Variants in CDC14A observed in about 807,000 individuals in gnomAD.
CDC14A encodes cell division cycle 14A, also known as dual specificity protein phosphatase CDC14A.
Under a neutral mutation model 74.4 loss-of-function variants are expected in CDC14A, and 53 were observed. The ratio of observed to expected loss-of-function variants is 0.71; its 90% CI spans 0.57 to 0.89. CDC14A has a LOEUF of 0.89. Ranked by LOEUF, CDC14A falls within the 40% of genes least tolerant of loss-of-function variation. CDC14A has a pLI of 0.00. For synonymous variants in CDC14A, 247 were observed against 258.4 expected (o/e 0.96, Z 0.43); for missense variants, 646 against 713.7 (o/e 0.91, Z 1.08).
rs935936292 is a variant in CDC14A, at chr1:100,393,261, G to A, written c.309+2437G>A. ...TCTTAACTTCTGAAGTTCTTTCTGTGCATGTTCAATCATATGAACTAGATT... is the reference window on the plus strand; with the variant it reads ...TCTTAACTTCTGAAGTTCTTTCTGTACATGTTCAATCATATGAACTAGATT... On this transcript the variant is annotated intron_variant, in intron 4 of 15. Coordinates refer to ENST00000336454, the MANE Select transcript of CDC14A (RefSeq NM_003672.4). The A allele has an allele frequency of 7.0e-6, 10 of 1,421,382 alleles. No individual in the cohort carries two copies. The African/African-American group carries it at 1.4e-4, about 20-fold the overall frequency. The allele number at this position is 1,421,382 out of a possible 1,614,324, so 88.0% of individuals were successfully genotyped here.
intron 11 of CDC14A, among the ~76,000 whole-genome samples, chr1:100,491,524 C>CTT: frequency 3.8e-5 from 1 of 26,412 alleles, no homozygotes; most frequent in African/African-American, 1.2e-4. Context: ...CTGCATCTCT[C>CTT]TCTCTCTCTC....
chr1:100,366,124 G>A (rs1245748079), intron 2 of CDC14A, among the ~76,000 whole-genome samples: 1 of 152,198 alleles, frequency 6.6e-6, no homozygotes, highest in Non-Finnish European at 1.5e-5. Flanking sequence ...GAGTGAGCAA[G>A]TGAATGAAGA....
chr1:100,433,719 C>T (rs1463669122), intron 5 of CDC14A, among the ~76,000 whole-genome samples: 1 of 152,102 alleles, frequency 6.6e-6, no homozygotes, highest in Admixed American at 6.5e-5. Flanking sequence ...TCTTTCATCT[C>T]TGGTTTCATC....
At chr1:100,434,200 A>C (rs1234831351) in intron 5 of CDC14A, among the ~76,000 whole-genome samples, 1 of 152,160 alleles carries the variant, frequency 6.6e-6, no homozygotes, top group African/African-American at 2.4e-5. Context: ...AGTTCAGTTG[A>C]CTAGTATGCC....
intron 12 of CDC14A, 98 bp from the exon 13 acceptor site, chr1:100,495,904 A>G (rs1376636170): frequency 1.0e-6 from 1 of 986,504 alleles, no homozygotes; most frequent in Non-Finnish European, 1.6e-6. Context: ...TTGCTAATTT[A>G]ATATTTTTAC....
intron 4 of CDC14A, among the ~76,000 whole-genome samples, chr1:100,418,236 C>T (rs1661780624): frequency 6.6e-6 from 1 of 152,062 alleles, no homozygotes; most frequent in Non-Finnish European, 1.5e-5. Flanking sequence ...TCATTATCAC[C>T]TATAGTTGAG....
intron 2 of CDC14A, among the ~76,000 whole-genome samples, chr1:100,359,088 G>A (rs746059931): frequency 1.7e-4 from 26 of 152,114 alleles, no homozygotes; most frequent in Non-Finnish European, 1.0e-4. Context: ...ATAGACAGAA[G>A]AGGAGATTTG....
intron 10 of CDC14A, among the ~76,000 whole-genome samples, chr1:100,482,822 ATATC>A (rs1322384842): frequency 9.2e-5 from 14 of 151,976 alleles, no homozygotes; most frequent in Non-Finnish European, 1.5e-5. Context: ...AAAGATATAG[ATATC>A]TATATATATA....
intron 7 of CDC14A, among the ~76,000 whole-genome samples, chr1:100,445,467 C>T (rs2101141215): frequency 6.6e-6 from 1 of 152,202 alleles, no homozygotes; most frequent in Non-Finnish European, 1.5e-5. Flanking sequence ...ATGCAAATGG[C>T]CCATTGTATT....
intron 4 of CDC14A, among the ~76,000 whole-genome samples, chr1:100,405,949 G>T (rs946951472): frequency 6.6e-6 from 1 of 152,092 alleles, no homozygotes; most frequent in African/African-American, 2.4e-5. Context: ...TTGAGGAATC[G>T]CCACACTGTC....
chr1:100,415,887 A>G (rs960534099), intron 4 of CDC14A, among the ~76,000 whole-genome samples: 3 of 152,214 alleles, frequency 2.0e-5, no homozygotes, highest in Admixed American at 6.5e-5. Context: ...TTAAAAAATT[A>G]TAAAGTTGAA....
chr1:100,418,249 T>C (rs1334681432), intron 4 of CDC14A, among the ~76,000 whole-genome samples: 1 of 152,204 alleles, frequency 6.6e-6, no homozygotes, highest in African/African-American at 2.4e-5. Context: ...TAGTTGAGTG[T>C]CATATTCTGG....
At chr1:100,397,973 T>C (rs140775797) in intron 4 of CDC14A, among the ~76,000 whole-genome samples, 1 of 152,356 alleles carries the variant, frequency 6.6e-6, no homozygotes, top group East Asian at 1.9e-4. Context: ...AAAGAAGCCA[T>C]TCTCCATTTG....
chr1:100,402,369 C>T (rs1659379390), intron 4 of CDC14A, among the ~76,000 whole-genome samples: 1 of 152,108 alleles, frequency 6.6e-6, no homozygotes, highest in Non-Finnish European at 1.5e-5. Flanking sequence ...GAGCTACAGG[C>T]TTCCAATCAA....
upstream of CDC14A, chr1:100,351,816 T>C (rs1200644000): frequency 5.2e-6 from 8 of 1,548,408 alleles, no homozygotes; most frequent in African/African-American, 1.4e-5. Context: ...CTGGTATGTG[T>C]AGAGGAAACC....
chr1:100,346,563 T>C (rs1312251786), intron 1 of CDC14A, among the ~76,000 whole-genome samples: 1 of 151,578 alleles, frequency 6.6e-6, no homozygotes, highest in Admixed American at 6.6e-5. Context: ...GCTTAGGAGG[T>C]TGAGGTTGCA....
intron 7 of CDC14A, among the ~76,000 whole-genome samples, chr1:100,450,451 C>T (rs1666020887): frequency 6.6e-6 from 1 of 152,152 alleles, no homozygotes; most frequent in Non-Finnish European, 1.5e-5. Flanking sequence ...TGGGGTCAAG[C>T]AGTCCTCAGA....
chr1:100,378,619 A>G (rs17122344), intron 3 of CDC14A, among the ~76,000 whole-genome samples: 1 of 152,194 alleles, frequency 6.6e-6, no homozygotes, highest in Admixed American at 6.5e-5. Context: ...AATTTTTGCC[A>G]TTGATTTCAA....
chr1:100,412,759 A>T (rs1661017685), intron 4 of CDC14A, among the ~76,000 whole-genome samples: 1 of 101,690 alleles, frequency 9.8e-6, no homozygotes, highest in South Asian at 2.6e-4. Flanking sequence ...TATATTTTAT[A>T]TATATATATT....
Sources: allele counts gnomAD v4.1 joint callset (sites outside exome capture counted in the v4.1 genomes callset), GRCh38; gene constraint gnomAD v4.1.1; transcripts MANE v1.5; gene names NCBI Gene and HGNC (gene_info 2026-07-23, HGNC 2026-07-21).